The following LGSN variants were observed in gnomAD, a reference collection of about 807,000 sequenced individuals.
LGSN encodes the protein lengsin, lens protein with glutamine synthetase domain.
In LGSN, 21 loss-of-function variants were observed where a neutral mutation model predicts 19.5. The ratio of observed to expected loss-of-function variants is 1.07; its 90% CI spans 0.76 to 1.55. The LOEUF is 1.55. LGSN is among the 40% of genes most tolerant of loss of function. The probability of loss-of-function intolerance (pLI) is 0.00; values close to 1 mark genes in which losing one functional copy is unlikely to be tolerated. For missense variants in LGSN, 673 were observed against 608.5 expected (o/e 1.11, Z -1.12); for synonymous variants, 257 against 215.6 (o/e 1.19, Z -1.68).
At chr6:63,402,768 A>G in the LGSN span, among the ~76,000 whole-genome samples, 1 of 152,126 alleles carries the variant, frequency 6.6e-6, no homozygotes, top group South Asian at 2.1e-4. Flanking sequence ...ACCAACCTTA[A>G]TGTAGCTATA....
chr6:63,402,863 T>C, the LGSN span, among the ~76,000 whole-genome samples: 2,396 of 152,176 alleles, frequency 0.016, 74 homozygotes, highest in African/African-American at 0.054. Flanking sequence ...CATAATATGG[T>C]TGGGGCTCAT....
the LGSN span, among the ~76,000 whole-genome samples, chr6:63,504,376 A>C: frequency 6.6e-6 from 1 of 151,810 alleles, no homozygotes; most frequent in Admixed American, 6.6e-5. Flanking sequence ...CGAGTAACTG[A>C]GACTACAGGT....
chr6:63,422,027 TA>T, the LGSN span, among the ~76,000 whole-genome samples: 1 of 152,148 alleles, frequency 6.6e-6, no homozygotes, highest in East Asian at 1.9e-4. Flanking sequence ...ATACATATAA[TA>T]GTCAAATTTC....
intron 1 of LGSN, among the ~76,000 whole-genome samples, chr6:63,299,019 C>T (rs1285271076): frequency 6.6e-6 from 1 of 152,154 alleles, no homozygotes; most frequent in Non-Finnish European, 1.5e-5. Context: ...AAGGTAGGCC[C>T]TCAAGTAAAG....
the LGSN span, among the ~76,000 whole-genome samples, chr6:63,413,094 G>A: frequency 1.3e-5 from 2 of 152,070 alleles, no homozygotes; most frequent in Non-Finnish European, 2.9e-5. Flanking sequence ...TCCTGAAAAA[G>A]TAAAAACAGT....
chr6:63,445,439 G>A, the LGSN span, among the ~76,000 whole-genome samples: 18 of 152,102 alleles, frequency 1.2e-4, no homozygotes, highest in African/African-American at 1.7e-4. Flanking sequence ...CCAACATGGT[G>A]AAACCCCATC....
the LGSN span, among the ~76,000 whole-genome samples, chr6:63,333,225 C>T: frequency 6.6e-6 from 1 of 151,986 alleles, no homozygotes; most frequent in Admixed American, 6.5e-5. Flanking sequence ...TCTGTTTTGA[C>T]AGGGCGCTGA....
chr6:63,342,419 A>G, the LGSN span, among the ~76,000 whole-genome samples: 1 of 152,236 alleles, frequency 6.6e-6, no homozygotes. Context: ...GCTGTTAAAA[A>G]TTATTTAAAA....
the LGSN span, among the ~76,000 whole-genome samples, chr6:63,468,580 A>G: frequency 6.6e-6 from 1 of 151,222 alleles, no homozygotes. Flanking sequence ...GGTGCGTGCC[A>G]CCACACCTGC....
At chr6:63,412,281 C>A in the LGSN span, among the ~76,000 whole-genome samples, 1 of 151,458 alleles carries the variant, frequency 6.6e-6, no homozygotes, top group Non-Finnish European at 1.5e-5. Flanking sequence ...GCAGGAGAAT[C>A]ACTTGAACCC....
the LGSN span, among the ~76,000 whole-genome samples, chr6:63,535,286 G>A: frequency 3.3e-5 from 5 of 152,172 alleles, no homozygotes; most frequent in South Asian, 2.1e-4. Context: ...CCAACATGGT[G>A]AAACCCCGTT....
the LGSN span, among the ~76,000 whole-genome samples, chr6:63,358,843 G>A: frequency 6.6e-6 from 1 of 152,072 alleles, no homozygotes; most frequent in East Asian, 1.9e-4. Context: ...CTGCCTGAGT[G>A]CCCTGTCCAG....
chr6:63,495,936 T>TA, the LGSN span, among the ~76,000 whole-genome samples: 11 of 147,090 alleles, frequency 7.5e-5, no homozygotes, highest in Middle Eastern at 3.4e-3. Flanking sequence ...TTAATTTTTT[T>TA]AAAAAAAAAA....
chr6:63,539,193 C>T, the LGSN span, among the ~76,000 whole-genome samples: 1 of 152,076 alleles, frequency 6.6e-6, no homozygotes, highest in African/African-American at 2.4e-5. Flanking sequence ...CGTGCCTGGC[C>T]TGTAAAGTAC....
At chr6:63,450,694 A>G in the LGSN span, among the ~76,000 whole-genome samples, 1 of 151,144 alleles carries the variant, frequency 6.6e-6, no homozygotes, top group Admixed American at 6.6e-5. Flanking sequence ...TTTTTTTTAG[A>G]CTGAGTCTTG....
chr6:63,380,024 A>C, the LGSN span, among the ~76,000 whole-genome samples: 1 of 152,010 alleles, frequency 6.6e-6, no homozygotes. Context: ...TTTTTAGTAG[A>C]GACTGGGTTT....
chr6:63,572,568 TGCCCCCGCCGCCGCCTGCATCGCC>T, the LGSN span: 3 of 412,668 alleles, frequency 7.3e-6, no homozygotes, highest in Admixed American at 4.4e-5. Context: ...TAGAGTCTGG[TGCCCCCGCCGCCGCCTGCATCGCC>T]GCCACCGCCG....
At chr6:63,397,962 T>A in the LGSN span, among the ~76,000 whole-genome samples, 1 of 151,912 alleles carries the variant, frequency 6.6e-6, no homozygotes, top group East Asian at 1.9e-4. Flanking sequence ...AAAAAAAGAT[T>A]ATAATGAAGC....
At chr6:63,412,510 GAA>G in the LGSN span, among the ~76,000 whole-genome samples, 1 of 95,620 alleles carries the variant, frequency 1.0e-5, no homozygotes, top group Non-Finnish European at 1.9e-5. Flanking sequence ...AAGAAAGAAA[GAA>G]AGAAAGAAAG....
Sources: allele counts gnomAD v4.1 joint callset (sites outside exome capture counted in the v4.1 genomes callset), GRCh38; gene constraint gnomAD v4.1.1; transcripts MANE v1.5; gene names NCBI Gene and HGNC (gene_info 2026-07-23, HGNC 2026-07-21).